Variants in USB1 observed in about 807,000 individuals in gnomAD.
USB1 encodes the protein U6 snRNA biogenesis phosphodiesterase 1.
USB1 carries 21 observed loss-of-function variants against 29.9 expected under a neutral mutation model. The observed-to-expected ratio is 0.70, with a 90% CI of 0.50 to 1.01. The LOEUF is 1.01. Among genes scored for constraint, USB1 ranks in the 50% least tolerant of loss-of-function variants. The pLI is 0.00. For missense variants in USB1, 330 were observed against 347.1 expected (o/e 0.95, Z 0.39); for synonymous variants, 143 against 134.9 (o/e 1.06, Z -0.42).
chr16:58,001,400 G>A (rs1211712372), upstream of USB1: 7 of 1,504,384 alleles, frequency 4.7e-6, no homozygotes, highest in Admixed American at 5.9e-5. Context: ...CCCGCCCCTG[G>A]GAGGGCGCTT....
intron 2 of USB1, among the ~76,000 whole-genome samples, 188 bp from the exon 3 acceptor site, chr16:58,009,741 T>TA (rs1555498078): frequency 6.7e-6 from 1 of 150,078 alleles, no homozygotes; most frequent in East Asian, 1.9e-4. Context: ...AAAAAAATAA[T>TA]AATAAATAAA....
intron 2 of USB1, among the ~76,000 whole-genome samples, chr16:58,005,195 G>C (rs1423289883): frequency 6.6e-6 from 1 of 152,186 alleles, no homozygotes; most frequent in Non-Finnish European, 1.5e-5. Flanking sequence ...CTGAAGCACA[G>C]CATCACAGGG....
chr16:58,018,870 G>T (rs1469831444), intron 5 of USB1, 102 bp from the exon 6 acceptor site: 4 of 1,169,554 alleles, frequency 3.4e-6, no homozygotes, highest in African/African-American at 1.5e-5. Flanking sequence ...GCAGGCCAGG[G>T]ATCCAGCAGG....
intron 3 of USB1, chr16:58,011,992 C>T: frequency 8.9e-7 from 1 of 1,117,490 alleles, no homozygotes; most frequent in Non-Finnish European, 1.1e-6. Flanking sequence ...ATCAGCAGAG[C>T]CTTTTTTCAA....
chr16:58,020,574 C>G lies in USB1; in HGVS notation c.*329C>G, dbSNP rs532682469. On this transcript the variant is annotated 3_prime_UTR_variant, in exon 7 of 7. Coordinates refer to ENST00000219281, the MANE Select transcript of USB1 (RefSeq NM_024598.4). ...CTCTCCTCCCCTCCTCTCTTCCTCT[C>G]CTCTCTCTTCCTCTCCTCTCTCTAC... 3.5e-5 allele frequency: 13 copies of G among 368,698 alleles called. No homozygotes were observed. The East Asian group carries it at 7.6e-4, about 22-fold the overall frequency. The allele number at this position is 368,698 out of a possible 1,614,324, so 22.8% of individuals were successfully genotyped here. A position where few individuals can be genotyped will look rare whatever the true frequency, so the allele number is the denominator to read the frequency against.
intron 3 of USB1, 126 bp downstream of exon 3, chr16:58,010,238 G>C (rs1207111267): frequency 1.5e-5 from 17 of 1,160,664 alleles, no homozygotes; most frequent in Non-Finnish European, 2.0e-5. Flanking sequence ...CCCCTCTCCT[G>C]GGGCTGCCTG....
Position 58,020,656 on chromosome 16 carries a change from C to CTA in USB1, c.*412_*413insAT, listed in dbSNP as rs1963721349. Reference sequence around the variant, plus strand: ...CCTCTCCTCTCTCTCTTCCTCTCCTCTCTCTTCCCTTCCTGTCTCTCTTCC... The same window carrying CTA: ...CCTCTCCTCTCTCTCTTCCTCTCCTCTATCTCTTCCCTTCCTGTCTCTCTTCC... On this transcript the variant is annotated 3_prime_UTR_variant, in exon 7 of 7. Coordinates refer to ENST00000219281, the MANE Select transcript of USB1 (RefSeq NM_024598.4). 1.0e-5 allele frequency: 3 copies of CTA among 290,010 alleles called. No homozygotes were observed. Among genetic ancestry groups the CTA allele is most frequent in the Non-Finnish European group, 2.0e-5 (3 of 149,716 alleles). The allele number at this position is 290,010 out of a possible 1,614,324, so 18.0% of individuals were successfully genotyped here.
intron 3 of USB1, 43 bp downstream of exon 3, chr16:58,010,155 T>C (rs146995230): frequency 2.5e-6 from 4 of 1,611,238 alleles, no homozygotes; most frequent in African/African-American, 2.7e-5. Context: ...CTCCCCTCCA[T>C]GGCTTCTCCT....
At chr16:58,010,223 C>G in intron 3 of USB1, 111 bp downstream of exon 3, 1 of 1,330,804 alleles carries the variant, frequency 7.5e-7, no homozygotes. Context: ...AAAGATAGAA[C>G]ACGGCCCCTC....
chr16:58,008,587 A>G (rs1597047888), intron 2 of USB1, among the ~76,000 whole-genome samples: 1 of 150,974 alleles, frequency 6.6e-6, no homozygotes, highest in Non-Finnish European at 1.5e-5. Flanking sequence ...CCAAGTAGCT[A>G]GGACTATAGG....
chr16:58,001,653 G>C, intron 1 of USB1, 72 bp downstream of exon 1: 1 of 1,500,636 alleles, frequency 6.7e-7, no homozygotes, highest in Non-Finnish European at 9.1e-7. Flanking sequence ...CGAATGTCTG[G>C]GGGTGGAGTG....
chr16:58,009,493 G>A (rs1269039599), intron 2 of USB1, among the ~76,000 whole-genome samples: 1 of 152,122 alleles, frequency 6.6e-6, no homozygotes. Context: ...GCCGAGGCGG[G>A]CGGATCACGA....
At chr16:58,005,372 G>A (rs1190020926) in intron 2 of USB1, among the ~76,000 whole-genome samples, 2 of 152,152 alleles carry the variant, frequency 1.3e-5, no homozygotes, top group Admixed American at 1.3e-4. Context: ...GCTACCGTTA[G>A]ACCACGGTCC....
At chr16:58,001,826 C>T (rs527911556) in intron 1 of USB1, among the ~76,000 whole-genome samples, 8 of 151,944 alleles carry the variant, frequency 5.3e-5, no homozygotes, top group Admixed American at 1.3e-4. Context: ...GGTCCAGCCT[C>T]GCGCTGGCCC....
chr16:58,017,381 A>T lies in USB1; in HGVS notation c.551A>T (p.Asp184Val). Reference protein sequence around the residue: ...EVTSGHAQFLDLVSEVDRVME... With the variant: ...EVTSGHAQFLVLVSEVDRVME... ...ACTTCAGGGCATGCCCAGTTCCTGG[A>T]CCTGGTTTCAGAGGTGGACAGAGTC... Residue 184 changes from aspartate (D) to valine (V), a missense_variant, in exon 5 of 7, where the codon GAC becomes GTC. Coordinates refer to ENST00000219281, the MANE Select transcript of USB1 (RefSeq NM_024598.4). 1 of 1,614,200 alleles carries T rather than the reference A, an allele frequency of 6.2e-7. No homozygotes were observed. The highest frequency in any genetic ancestry group is 8.5e-7 in the Non-Finnish European group (1 of 1,180,036).
intron 3 of USB1, chr16:58,011,544 C>T (rs576733215): frequency 1.5e-5 from 15 of 1,001,118 alleles, no homozygotes; most frequent in South Asian, 4.3e-5. Context: ...AGAGATCAGT[C>T]GGTCCTGTGG....
At chr16:58,018,720 A>G (rs1358456611) in intron 5 of USB1, among the ~76,000 whole-genome samples, 1 of 152,016 alleles carries the variant, frequency 6.6e-6, no homozygotes, top group African/African-American at 2.4e-5. Flanking sequence ...ATCTTTACAT[A>G]CTATCACATT....
In USB1 at chr16:58,020,345, GC is replaced by G; in HGVS notation, c.*104del. On this transcript the variant is annotated 3_prime_UTR_variant, in exon 7 of 7. Transcript: ENST00000219281. ...GATGCTTCTAGCCTCCCAGTAGGAGGCCCCAGCCATGCCTTCAACCTGGCAG... is the reference window on the plus strand; with the variant it reads ...GATGCTTCTAGCCTCCCAGTAGGAGGCCCAGCCATGCCTTCAACCTGGCAG... The G allele has an allele frequency of 8.5e-7, 1 of 1,180,086 alleles. No individual in the cohort carries two copies. Among genetic ancestry groups the G allele is most frequent in the Non-Finnish European group, 1.2e-6 (1 of 806,682 alleles). 73.1% of individuals were successfully genotyped at this position (1,180,086 alleles called of 1,614,324 possible). A position where few individuals can be genotyped will look rare whatever the true frequency, so the allele number is the denominator to read the frequency against.
intron 3 of USB1, among the ~76,000 whole-genome samples, chr16:58,010,415 A>G (rs1391055404): frequency 3.3e-5 from 5 of 152,124 alleles, no homozygotes; most frequent in Non-Finnish European, 7.4e-5. Flanking sequence ...ACACCAACAA[A>G]TTATCCAACT....
Sources: gnomAD v4.1 joint callset for allele counts (sites outside exome capture counted in the v4.1 genomes callset) on GRCh38, gnomAD v4.1.1 for gene constraint, MANE v1.5 for transcripts, NCBI Gene and HGNC (gene_info 2026-07-23, HGNC 2026-07-21) for gene names.